LIPH: variants seen among roughly 807,000 people sequenced by gnomAD.
LIPH encodes lipase H.
In LIPH, 32 loss-of-function variants were observed where a neutral mutation model predicts 47.6. The ratio of observed to expected loss-of-function variants is 0.67; its 90% CI spans 0.51 to 0.90. LIPH has a LOEUF of 0.90. Among genes scored for constraint, LIPH ranks in the 40% least tolerant of loss-of-function variants. LIPH has a pLI of 0.00. For missense variants in LIPH, 497 were observed against 541.4 expected, an observed-to-expected ratio of 0.92 and a Z score of 0.81; for synonymous variants, 190 against 195.6, an observed-to-expected ratio of 0.97 and a Z score of 0.24.
chr3:185,546,110 G>A (rs1720863760), intron 1 of LIPH, among the ~76,000 whole-genome samples: 1 of 152,006 alleles, frequency 6.6e-6, no homozygotes, highest in African/African-American at 2.4e-5. Context: ...AGTTTGCAGT[G>A]AGTCGAGACC....
chr3:185,524,161 C>G lies in LIPH; in HGVS notation c.629-1G>C, dbSNP rs758426414. The G allele has an allele frequency of 1.3e-6, 2 of 1,590,498 alleles. No homozygotes were observed. Among genetic ancestry groups the G allele is most frequent in the South Asian group, 2.2e-5 (2 of 90,620 alleles). On this transcript the variant is annotated splice_acceptor_variant, in intron 4 of 9. Coordinates refer to ENST00000296252, the MANE Select transcript of LIPH (RefSeq NM_139248.3). LOFTEE classifies it high-confidence loss of function. ...CCTAATGGCTCCTTGTAGCCCAGTG[C>G]TAAAAGAGAACACATTCTGCTTTTA...
In LIPH at chr3:185,517,166, T is replaced by C. The variant is rs978098504; in HGVS notation, c.887-4A>G. 6.6e-7 allele frequency: 1 copy of C among 1,510,726 alleles called. No individual in the cohort carries two copies. The highest frequency in any genetic ancestry group is 1.7e-5 in the Admixed American group (1 of 59,860). 93.6% of individuals were successfully genotyped at this position (1,510,726 alleles called of 1,614,324 possible). A position where few individuals can be genotyped will look rare whatever the true frequency, so the allele number is the denominator to read the frequency against. The stretch of plus-strand genomic sequence containing the variant: ...TTCCAATTATCAGCATAATAGCCTA[T>C]GAAACAAGTTTAAAAAATTGTAAGA... On this transcript the variant is annotated splice_polypyrimidine_tract_variant and splice_region_variant and intron_variant, in intron 6 of 9. Transcript: ENST00000296252.
intron 3 of LIPH, among the ~76,000 whole-genome samples, chr3:185,529,195 A>AAAAAAAG (rs1720228217): frequency 2.0e-5 from 3 of 148,190 alleles, no homozygotes; most frequent in African/African-American, 7.4e-5. Context: ...AAAAAAAAGA[A>AAAAAAAG]AAAAAGAAAA....
chr3:185,526,547 A>AATAAAATAAG (rs1553822401), intron 4 of LIPH, among the ~76,000 whole-genome samples: 1 of 144,190 alleles, frequency 6.9e-6, no homozygotes, highest in Non-Finnish European at 1.5e-5. Flanking sequence ...AATAAAATAA[A>AATAAAATAAG]ATAAGATAAG....
chr3:185,508,693 A>T lies in LIPH; in HGVS notation c.*97T>A. On this transcript the variant is annotated 3_prime_UTR_variant, in exon 10 of 10. Transcript: ENST00000296252. ...TGAAAAAAGCCTTGGTTTTTTTCAT[A>T]CTTTTTCTGCCTTGCAGAAAGGTGA... 1.1e-6 allele frequency: 1 copy of T among 888,228 alleles called. No homozygotes were observed. Among genetic ancestry groups the T allele is most frequent in the Non-Finnish European group, 1.9e-6 (1 of 527,936 alleles). 55.0% of individuals were successfully genotyped at this position (888,228 alleles called of 1,614,324 possible).
intron 1 of LIPH, among the ~76,000 whole-genome samples, chr3:185,546,511 A>T (rs1720879036): frequency 1.3e-5 from 2 of 151,772 alleles, no homozygotes; most frequent in South Asian, 4.2e-4. Flanking sequence ...AAAAAAAAAA[A>T]TTTCCCACTG....
chr3:185,549,223 A>G (rs767066761), intron 1 of LIPH, among the ~76,000 whole-genome samples: 3 of 152,206 alleles, frequency 2.0e-5, no homozygotes, highest in Non-Finnish European at 4.4e-5. Flanking sequence ...GATTGGAAGG[A>G]CATGCCTGCT....
chr3:185,531,556 C>CAA (rs1204988383), intron 3 of LIPH, among the ~76,000 whole-genome samples: 45 of 73,146 alleles, frequency 6.2e-4, no homozygotes, highest in African/African-American at 1.7e-3. Context: ...GACTCTGTCT[C>CAA]AAAAAAAAAA....
At chr3:185,549,585 AT>A (rs759429332) in intron 1 of LIPH, among the ~76,000 whole-genome samples, 2 of 152,196 alleles carry the variant, frequency 1.3e-5, no homozygotes, top group Non-Finnish European at 2.9e-5. Flanking sequence ...TTTAAAACCT[AT>A]GTTTGTTTCA....
intron 9 of LIPH, among the ~76,000 whole-genome samples, chr3:185,510,443 CTCTT>C (rs1719525445): frequency 6.6e-6 from 1 of 152,324 alleles, no homozygotes; most frequent in Admixed American, 6.5e-5. Context: ...CTGTTTCTCT[CTCTT>C]TCTCTCCCCA....
At chr3:185,528,574 G>A (rs920271033) in intron 3 of LIPH, among the ~76,000 whole-genome samples, 9 of 152,126 alleles carry the variant, frequency 5.9e-5, no homozygotes, top group African/African-American at 2.2e-4. Flanking sequence ...TCAGAACACA[G>A]CCTCTTAATG....
At chr3:185,527,658 G>T in intron 3 of LIPH, 73 bp from the exon 4 acceptor site, 1 of 974,638 alleles carries the variant, frequency 1.0e-6, no homozygotes, top group Non-Finnish European at 1.6e-6. Context: ...GATCCTTCTG[G>T]ATGAGGGTGG....
intron 3 of LIPH, among the ~76,000 whole-genome samples, chr3:185,532,516 GC>G (rs907367054): frequency 6.7e-6 from 1 of 149,320 alleles, no homozygotes; most frequent in Non-Finnish European, 1.5e-5. Context: ...AAGGCTATGT[GC>G]AGTGGCTCAT....
chr3:185,529,968 A>AAG (rs1208471289), intron 3 of LIPH, among the ~76,000 whole-genome samples: 2 of 57,066 alleles, frequency 3.5e-5, no homozygotes, highest in Non-Finnish European at 8.7e-5. Flanking sequence ...GAAAGAAGGA[A>AAG]AGAAAGAAAG....
chr3:185,510,780 G>A (rs775842948), intron 9 of LIPH, among the ~76,000 whole-genome samples: 10 of 152,148 alleles, frequency 6.6e-5, no homozygotes, highest in Non-Finnish European at 1.0e-4. Context: ...TGTGGTGGAC[G>A]TGCCTGTGGT....
chr3:185,548,083 A>T (rs1720934281), intron 1 of LIPH, among the ~76,000 whole-genome samples: 1 of 152,162 alleles, frequency 6.6e-6, no homozygotes. Context: ...AAGTTTTTTT[A>T]GGCCAGAAAC....
chr3:185,523,492 C>T (rs1335750320), intron 5 of LIPH, among the ~76,000 whole-genome samples: 1 of 151,828 alleles, frequency 6.6e-6, no homozygotes. Flanking sequence ...GCAACCTCTA[C>T]TTCCCAGGCT....
At chr3:185,516,755 A>G (rs9790230) in intron 7 of LIPH, among the ~76,000 whole-genome samples, 79,045 of 151,960 alleles carry the variant, frequency 0.52, 20,875 homozygotes, top group East Asian at 0.73. Context: ...TGAAACTAAC[A>G]ACTCTGATTT....
chr3:185,550,761 G>T (rs546681948), intron 1 of LIPH, among the ~76,000 whole-genome samples: 3 of 152,162 alleles, frequency 2.0e-5, no homozygotes, highest in African/African-American at 7.2e-5. Context: ...TAGAGATGGG[G>T]TTCACCATGT....
Sources: gnomAD v4.1 joint callset for allele counts (sites outside exome capture counted in the v4.1 genomes callset) on GRCh38, gnomAD v4.1.1 for gene constraint, MANE v1.5 for transcripts, NCBI Gene and HGNC (gene_info 2026-07-23, HGNC 2026-07-21) for gene names.